The following WLS variants were observed in gnomAD, a reference collection of about 807,000 sequenced individuals.
WLS encodes Wnt ligand secretion mediator, also known as protein wntless homolog.
WLS carries 23 observed loss-of-function variants against 62.8 expected under a neutral mutation model. The ratio of observed to expected loss-of-function variants is 0.37; its 90% CI spans 0.26 to 0.52. WLS has a LOEUF of 0.52. WLS is among the 20% of genes least tolerant of loss of function. WLS has a pLI of 0.92. For synonymous variants in WLS, 246 were observed against 244.1 expected, an observed-to-expected ratio of 1.01 and a Z score of -0.07; for missense variants, 615 against 697.3, an observed-to-expected ratio of 0.88 and a Z score of 1.33.
chr1:68,167,192 AT>A (rs1204227051), intron 2 of WLS, among the ~76,000 whole-genome samples: 1 of 152,222 alleles, frequency 6.6e-6, no homozygotes, highest in Non-Finnish European at 1.5e-5. Context: ...TGTTGTTGAC[AT>A]TTTATTAGGG....
chr1:68,195,106 T>C (rs1648588561), intron 1 of WLS, among the ~76,000 whole-genome samples: 1 of 152,218 alleles, frequency 6.6e-6, no homozygotes, highest in Non-Finnish European at 1.5e-5. Context: ...ATGAATTAAA[T>C]TGTGTAACTT....
intron 11 of WLS, among the ~76,000 whole-genome samples, chr1:68,127,960 T>C (rs569909436): frequency 1.3e-5 from 2 of 152,306 alleles, no homozygotes; most frequent in African/African-American, 4.8e-5. Flanking sequence ...CATTTCTCTG[T>C]GGCTGCACAG....
intron 1 of WLS, among the ~76,000 whole-genome samples, chr1:68,199,645 G>A (rs79028798): frequency 0.02 from 3,028 of 152,194 alleles, 101 homozygotes; most frequent in African/African-American, 0.069. Flanking sequence ...CTAATCAGTG[G>A]TATAATTCTA....
chr1:68,186,523 TCTTGA>T, intron 2 of WLS: 7 of 428,358 alleles, frequency 1.6e-5, no homozygotes, highest in South Asian at 1.2e-4. Context: ...AATGGATTGG[TCTTGA>T]CTTTTCCTTA....
intron 1 of WLS, among the ~76,000 whole-genome samples, chr1:68,221,168 C>T (rs1366752973): frequency 6.6e-6 from 1 of 152,116 alleles, no homozygotes; most frequent in Non-Finnish European, 1.5e-5. Flanking sequence ...AAGCTCTGTC[C>T]TGTTTGGGCA....
At chr1:68,129,717 C>T (rs764688763) in intron 11 of WLS, among the ~76,000 whole-genome samples, 11 of 152,140 alleles carry the variant, frequency 7.2e-5, no homozygotes, top group Non-Finnish European at 1.5e-5. Flanking sequence ...TCCATCACCT[C>T]CTACTTCTGC....
Position 68,165,571 on chromosome 1 carries a change from T to A in WLS, c.380-6324A>T, listed in dbSNP as rs923897892. 2.6e-5 allele frequency among the ~76,000 whole-genome samples: 4 copies of A among 151,376 alleles called. No individual in the cohort carries two copies. The East Asian group carries it at 7.7e-4, about 29-fold the overall frequency. ...CTTGGATGTTCGGTGGGGGTGGGAG[T>A]GAAAAGGCTGCTATTTGTTGGAAGA... On this transcript the variant is annotated intron_variant, in intron 2 of 11. Transcript: ENST00000262348.
At chr1:68,103,212 G>A (rs754637077) in intron 11 of WLS, among the ~76,000 whole-genome samples, 41 of 152,288 alleles carry the variant, frequency 2.7e-4, no homozygotes, top group African/African-American at 8.4e-4. Context: ...ATTCAAAGAC[G>A]GTTGCTAGGG....
intron 1 of WLS, among the ~76,000 whole-genome samples, chr1:68,196,453 A>G (rs2046336597): frequency 6.6e-6 from 1 of 152,060 alleles, no homozygotes; most frequent in Non-Finnish European, 1.5e-5. Flanking sequence ...TGTTTGCAGA[A>G]ATTCTCTCTT....
At chr1:68,194,873 C>CA (rs1351847525) in intron 1 of WLS, among the ~76,000 whole-genome samples, 1 of 152,176 alleles carries the variant, frequency 6.6e-6, no homozygotes, top group African/African-American at 2.4e-5. Flanking sequence ...CGATGCACTT[C>CA]AAGACAGCAA....
Position 68,125,516 on chromosome 1 carries a change from G to A in WLS, c.*710C>T. 1.0e-6 allele frequency: 1 copy of A among 985,404 alleles called. No individual in the cohort carries two copies. Among genetic ancestry groups the A allele is most frequent in the Non-Finnish European group, 1.2e-6 (1 of 829,928 alleles). The allele number at this position is 985,404 out of a possible 1,614,324, so 61.0% of individuals were successfully genotyped here. A position where few individuals can be genotyped will look rare whatever the true frequency, so the allele number is the denominator to read the frequency against. On this transcript the variant is annotated 3_prime_UTR_variant, in exon 12 of 12. Coordinates refer to ENST00000262348, the MANE Select transcript of WLS (RefSeq NM_024911.7). ...GTTAAAAAAGCTTTTCAGACCCGAA[G>A]GCCATTTAATACAGTAAATCTTACT...
At chr1:68,103,764 T>G (rs917612513) in intron 11 of WLS, among the ~76,000 whole-genome samples, 1 of 152,150 alleles carries the variant, frequency 6.6e-6, no homozygotes, top group South Asian at 2.1e-4. Flanking sequence ...GCCAAGCCTT[T>G]CCTTAATCCA....
chr1:68,221,490 C>G (rs1376407913), intron 1 of WLS, among the ~76,000 whole-genome samples: 1 of 152,184 alleles, frequency 6.6e-6, no homozygotes, highest in Non-Finnish European at 1.5e-5. Flanking sequence ...CCAGAACTAG[C>G]TCAACAGAAC....
chr1:68,200,034 G>A (rs1231528049), intron 1 of WLS, among the ~76,000 whole-genome samples: 2 of 152,178 alleles, frequency 1.3e-5, no homozygotes, highest in African/African-American at 4.8e-5. Context: ...GGGAAGGAAT[G>A]CAGAGAATAG....
chr1:68,125,603 A>G lies in WLS; in HGVS notation c.*623T>C. ...CAACAGATTGGTTAGTATTAGATAC[A>G]CAGATTTGGTTTCAAAGCTGAAATA... On this transcript the variant is annotated 3_prime_UTR_variant, in exon 12 of 12. Transcript: ENST00000262348. 2 of 985,550 alleles carry G rather than the reference A, an allele frequency of 2.0e-6. No homozygotes were observed. The highest frequency in any genetic ancestry group is 2.4e-6 in the Non-Finnish European group (2 of 829,996). The allele number at this position is 985,550 out of a possible 1,614,324, so 61.1% of individuals were successfully genotyped here. A position where few individuals can be genotyped will look rare whatever the true frequency, so the allele number is the denominator to read the frequency against.
At chr1:68,110,975 ATTTAT>A (rs1026726498) in intron 11 of WLS, among the ~76,000 whole-genome samples, 58 of 152,284 alleles carry the variant, frequency 3.8e-4, no homozygotes, top group African/African-American at 1.4e-3. Flanking sequence ...TAATCTTGAA[ATTTAT>A]TTAAAGAATT....
intron 11 of WLS, among the ~76,000 whole-genome samples, chr1:68,133,291 A>G (rs1646557913): frequency 6.6e-6 from 1 of 152,336 alleles, no homozygotes; most frequent in Admixed American, 6.5e-5. Flanking sequence ...AGCCAATAGG[A>G]AGGAACCCAG....
At chr1:68,153,050 G>C (rs1344823205) in intron 5 of WLS, among the ~76,000 whole-genome samples, 1 of 152,116 alleles carries the variant, frequency 6.6e-6, no homozygotes, top group Non-Finnish European at 1.5e-5. Context: ...AAGCTGAAGC[G>C]GGCAAATCAC....
At chr1:68,138,512 C>A (rs530052676) in intron 10 of WLS, 2 of 152,336 alleles carry the variant, frequency 1.3e-5, no homozygotes, top group African/African-American at 4.8e-5. Flanking sequence ...ATTTCTAGAA[C>A]CTGCCTGGCA....
Sources: allele counts gnomAD v4.1 joint callset (sites outside exome capture counted in the v4.1 genomes callset), GRCh38; gene constraint gnomAD v4.1.1; transcripts MANE v1.5; gene names NCBI Gene and HGNC (gene_info 2026-07-23, HGNC 2026-07-21).